MTHFD1L: variants seen among roughly 807,000 people sequenced by gnomAD.
MTHFD1L encodes monofunctional C1-tetrahydrofolate synthase, mitochondrial.
A neutral mutation model predicts 119.5 loss-of-function variants in MTHFD1L; 81 were observed. The observed-to-expected ratio is 0.68, with a 90% confidence interval of 0.57 to 0.82. The LOEUF (loss-of-function observed/expected upper bound fraction) is 0.82, where lower values mean the gene tolerates loss of function less well. MTHFD1L is among the 40% of genes least tolerant of loss of function. The probability of loss-of-function intolerance (pLI) is 0.00; values close to 1 mark genes in which losing one functional copy is unlikely to be tolerated. For synonymous variants in MTHFD1L, 430 were observed against 475.2 expected, an observed-to-expected ratio of 0.90 and a Z score of 1.24; for missense variants, 1,125 against 1,253.4, an observed-to-expected ratio of 0.90 and a Z score of 1.55.
At position 150,949,152 on chromosome 6, in the gene MTHFD1L, C is replaced by T; in HGVS notation, c.1726+19C>T. On this transcript the variant is annotated intron_variant, in intron 16 of 27. Coordinates refer to ENST00000367321, the MANE Select transcript of MTHFD1L (RefSeq NM_015440.5). ...CAGAGAGGTGGGTGCTGGGGAGATG[C>T]CAGCAGGCTGATGGCCAGGTGGGGA... is the stretch of plus-strand genomic sequence containing the variant. The T allele has an allele frequency of 6.2e-7, 1 of 1,607,446 alleles. No homozygotes were observed. The highest frequency in any genetic ancestry group is 8.5e-7 in the Non-Finnish European group (1 of 1,174,368).
chr6:151,073,259 T>A (rs1160298866), intron 26 of MTHFD1L, among the ~76,000 whole-genome samples: 1 of 152,140 alleles, frequency 6.6e-6, no homozygotes, highest in Non-Finnish European at 1.5e-5. Context: ...TGCGTACTGA[T>A]CAAAGTGTGG....
intron 16 of MTHFD1L, among the ~76,000 whole-genome samples, chr6:150,949,882 G>A (rs1794598274): frequency 6.6e-6 from 1 of 152,192 alleles, no homozygotes; most frequent in African/African-American, 2.4e-5. Flanking sequence ...TGGAGATGGA[G>A]ATGGTCACAT....
At chr6:150,953,739 C>G (rs1046295689) in intron 16 of MTHFD1L, among the ~76,000 whole-genome samples, 91 of 151,932 alleles carry the variant, frequency 6.0e-4, no homozygotes, top group African/African-American at 2.2e-3. Flanking sequence ...CTTGTTTTCT[C>G]TTTGCTAGAT....
chr6:151,050,500 G>A (rs1788850341), intron 26 of MTHFD1L, among the ~76,000 whole-genome samples: 1 of 152,230 alleles, frequency 6.6e-6, no homozygotes, highest in Non-Finnish European at 1.5e-5. Context: ...TGTTAAGCAT[G>A]TGTTTCCTTT....
chr6:151,069,278 T>TCTCTCTCTCTCC (rs1177991974), intron 26 of MTHFD1L, among the ~76,000 whole-genome samples: 2 of 150,916 alleles, frequency 1.3e-5, no homozygotes, highest in Non-Finnish European at 3.0e-5. Flanking sequence ...TCTCTCTCTC[T>TCTCTCTCTCTCC]CTCCCTCCCT....
chr6:150,959,517 C>G (rs1796130254), intron 17 of MTHFD1L, among the ~76,000 whole-genome samples: 1 of 152,194 alleles, frequency 6.6e-6, no homozygotes, highest in African/African-American at 2.4e-5. Flanking sequence ...ATAGGAAGTC[C>G]TAGAACTTTT....
chr6:151,082,682 T>A (rs1255292308), intron 26 of MTHFD1L, among the ~76,000 whole-genome samples: 2 of 152,050 alleles, frequency 1.3e-5, no homozygotes, highest in Non-Finnish European at 2.9e-5. Context: ...ATAACAACAA[T>A]GGGTACTGTG....
intron 11 of MTHFD1L, among the ~76,000 whole-genome samples, chr6:150,930,589 T>C (rs1185699390): frequency 6.6e-6 from 1 of 152,080 alleles, no homozygotes; most frequent in Non-Finnish European, 1.5e-5. Flanking sequence ...CACATTGAGA[T>C]CATGCTATAA....
intron 20 of MTHFD1L, among the ~76,000 whole-genome samples, chr6:150,980,587 GAT>G (rs1183067660): frequency 6.6e-6 from 1 of 151,514 alleles, no homozygotes; most frequent in Non-Finnish European, 1.5e-5. Flanking sequence ...TTTTTAAAGA[GAT>G]ACGTTTAGCT....
intron 26 of MTHFD1L, among the ~76,000 whole-genome samples, chr6:151,059,234 G>A (rs939338833): frequency 1.3e-5 from 2 of 152,142 alleles, no homozygotes; most frequent in Admixed American, 6.6e-5. Flanking sequence ...TGTTTTAGAT[G>A]CAGTCTCACT....
chr6:150,998,399 T>C (rs559063178), intron 20 of MTHFD1L, among the ~76,000 whole-genome samples: 1 of 152,290 alleles, frequency 6.6e-6, no homozygotes, highest in East Asian at 1.9e-4. Flanking sequence ...AATCATAGTT[T>C]CTCTTGCTAA....
intron 6 of MTHFD1L, among the ~76,000 whole-genome samples, chr6:150,886,673 AG>A (rs1039836096): frequency 4.6e-5 from 7 of 151,992 alleles, no homozygotes; most frequent in Non-Finnish European, 8.8e-5. Flanking sequence ...TATATATTTA[AG>A]GGCTTTCTGA....
At chr6:150,876,432 G>C (rs1780455678) in intron 2 of MTHFD1L, among the ~76,000 whole-genome samples, 1 of 152,136 alleles carries the variant, frequency 6.6e-6, no homozygotes, top group Non-Finnish European at 1.5e-5. Flanking sequence ...TACATGCATT[G>C]CATTACACAG....
intron 1 of MTHFD1L, chr6:150,866,385 A>T: frequency 1.4e-6 from 2 of 1,398,728 alleles, no homozygotes; most frequent in South Asian, 1.5e-5. Context: ...CGCGACCCAG[A>T]CGGTAAAGGG....
At chr6:150,923,547 T>TATTTATTTA (rs1225993654) in intron 10 of MTHFD1L, among the ~76,000 whole-genome samples, 2 of 138,496 alleles carry the variant, frequency 1.4e-5, no homozygotes, top group Admixed American at 7.2e-5. Context: ...ATTTTTTCTT[T>TATTTATTTA]TTTTTTTTTT....
chr6:150,948,186 T>C (rs988785901), intron 15 of MTHFD1L, among the ~76,000 whole-genome samples: 15 of 151,604 alleles, frequency 9.9e-5, no homozygotes, highest in Non-Finnish European at 5.9e-5. Flanking sequence ...TTTGTATTTT[T>C]AGTAGAGACA....
chr6:150,873,929 C>A (rs1562291721), intron 1 of MTHFD1L, among the ~76,000 whole-genome samples: 3 of 152,156 alleles, frequency 2.0e-5, no homozygotes, highest in Non-Finnish European at 4.4e-5. Context: ...CCTTGGCCTC[C>A]CGAAGTACTG....
intron 11 of MTHFD1L, among the ~76,000 whole-genome samples, chr6:150,928,118 A>G (rs1178038048): frequency 1.3e-5 from 2 of 152,136 alleles, no homozygotes; most frequent in African/African-American, 4.8e-5. Flanking sequence ...TCAATTATTT[A>G]TAACCACAAA....
chr6:151,071,557 G>A (rs940789845), intron 26 of MTHFD1L, among the ~76,000 whole-genome samples: 4 of 151,774 alleles, frequency 2.6e-5, no homozygotes, highest in Admixed American at 6.6e-5. Context: ...AGGGAAGCAC[G>A]TTGAACTTCG....
Sources: gnomAD v4.1 joint callset for allele counts (sites outside exome capture counted in the v4.1 genomes callset) on GRCh38, gnomAD v4.1.1 for gene constraint, MANE v1.5 for transcripts, NCBI Gene and HGNC (gene_info 2026-07-23, HGNC 2026-07-21) for gene names.